Variants in MIDEAS observed in about 807,000 individuals in gnomAD.
MIDEAS encodes mitotic deacetylase associated SANT domain protein.
MIDEAS carries 26 observed loss-of-function variants against 102.7 expected under a neutral mutation model. The observed-to-expected ratio is 0.25, with a 90% confidence interval of 0.19 to 0.35. The LOEUF (loss-of-function observed/expected upper bound fraction) is 0.35, where lower values mean the gene tolerates loss of function less well. Among genes scored for constraint, MIDEAS ranks in the 10% least tolerant of loss-of-function variants. The pLI is 1.00. For missense variants in MIDEAS, 1,231 were observed against 1,435.6 expected (o/e 0.86, Z 2.30); for synonymous variants, 585 against 591.0 (o/e 0.99, Z 0.15).
chr14:73,757,123 T>G (rs923835873), intron 1 of MIDEAS, among the ~76,000 whole-genome samples: 3 of 150,826 alleles, frequency 2.0e-5, no homozygotes, highest in African/African-American at 7.3e-5. Context: ...AATAGAAAAA[T>G]TAGCCAGGTG....
At chr14:73,778,154 G>A (rs2336560) in intron 1 of MIDEAS, among the ~76,000 whole-genome samples, 77,906 of 151,500 alleles carry the variant, frequency 0.51, 21,525 homozygotes, top group East Asian at 0.83. Context: ...CAGGAGTTCA[G>A]GAGCAGCCTG....
intron 1 of MIDEAS, among the ~76,000 whole-genome samples, chr14:73,755,215 G>A (rs944071918): frequency 6.6e-6 from 1 of 152,126 alleles, no homozygotes; most frequent in Admixed American, 6.5e-5. Context: ...CAGCAAGGGC[G>A]GCTGCCAGGG....
rs2053069866 is a variant in MIDEAS, at chr14:73,726,994, G to A, written c.2163-22C>T. 3.2e-6 allele frequency: 5 copies of A among 1,571,374 alleles called. No homozygotes were observed. In the East Asian group the frequency reaches 6.8e-5, roughly 21 times the overall value. On this transcript the variant is annotated intron_variant, in intron 5 of 12. Transcript: ENST00000423556. ...CCGTCTAGAGGAGTGAAAAGGGCAGGAAGTGAGGCCTCACCTTGCGGGGAC... is the reference window on the plus strand; with the variant it reads ...CCGTCTAGAGGAGTGAAAAGGGCAGAAAGTGAGGCCTCACCTTGCGGGGAC...
intron 1 of MIDEAS, among the ~76,000 whole-genome samples, chr14:73,785,778 G>A (rs2053802146): frequency 6.6e-6 from 1 of 152,140 alleles, no homozygotes; most frequent in Non-Finnish European, 1.5e-5. Context: ...TAGTTTTCAG[G>A]CTGCCTAAGA....
rs747566329 is a variant in MIDEAS at position 73,730,023 on chromosome 14, C to T, written c.1750-38G>A. ...AGAAAACAAGGACGGCTCAGCCCCC[C>T]GTGTCCCAGAGAAAGTAAAGTCTTA... is the stretch of plus-strand genomic sequence containing the variant. On this transcript the variant is annotated intron_variant, in intron 3 of 12. Transcript: ENST00000423556. 1.7e-5 allele frequency: 27 copies of T among 1,595,228 alleles called. No individual in the cohort carries two copies. The East Asian group carries it at 1.8e-4, about 11-fold the overall frequency.
intron 11 of MIDEAS, among the ~76,000 whole-genome samples, chr14:73,719,910 C>T (rs1357243555): frequency 6.6e-6 from 1 of 150,662 alleles, no homozygotes. Context: ...ACAGGCATCC[C>T]TGCCCTCAGA....
At chr14:73,756,397 G>T (rs994629075) in intron 1 of MIDEAS, among the ~76,000 whole-genome samples, 1 of 152,140 alleles carries the variant, frequency 6.6e-6, no homozygotes. Flanking sequence ...TTCATAAAAT[G>T]AGCTCATAGT....
At chr14:73,769,920 T>G (rs1028482245) in intron 1 of MIDEAS, among the ~76,000 whole-genome samples, 9 of 151,016 alleles carry the variant, frequency 6.0e-5, no homozygotes, top group Non-Finnish European at 1.0e-4. Context: ...TTTTGTTTTT[T>G]TTTTTTAATT....
At chr14:73,788,702 C>G (rs540364096), upstream of MIDEAS, among the ~76,000 whole-genome samples, 5 of 152,302 alleles carry the variant, frequency 3.3e-5, no homozygotes, top group South Asian at 1.0e-3. Flanking sequence ...CCCTGAAATT[C>G]TTCTTACATC....
At chr14:73,732,761 G>A (rs1321916535) in intron 3 of MIDEAS, among the ~76,000 whole-genome samples, 2 of 143,166 alleles carry the variant, frequency 1.4e-5, no homozygotes. Context: ...ACTCTAGCCG[G>A]GGTGACACAG....
rs2052988066 is a variant in MIDEAS, at chr14:73,721,351, G to C, written c.2883C>G (p.Arg961=). ...EKEEQEEGRE[R]SRRAAAVKAT... ...CTTTGACTGCCGCTGCCCGCCTGCT[G>C]CGCTCTCGCCCCTCTTCCTGCTCCT... The change falls in exon 11 of 13, where the codon CGC becomes CGG. Residue 961 remains arginine, a synonymous_variant. Coordinates refer to ENST00000423556, the MANE Select transcript of MIDEAS (RefSeq NM_001367710.1). 6.2e-7 allele frequency: 1 copy of C among 1,613,926 alleles called. No individual in the cohort carries two copies. Among genetic ancestry groups the C allele is most frequent in the South Asian group, 1.1e-5 (1 of 91,086 alleles).
chr14:73,731,866 G>C (rs1347163528), intron 3 of MIDEAS, among the ~76,000 whole-genome samples: 4 of 152,214 alleles, frequency 2.6e-5, no homozygotes, highest in African/African-American at 7.2e-5. Context: ...TTTTATGCAT[G>C]AAAGAAAGTA....
intron 1 of MIDEAS, among the ~76,000 whole-genome samples, chr14:73,783,611 G>C (rs1313651536): frequency 1.3e-5 from 2 of 152,186 alleles, no homozygotes; most frequent in African/African-American, 4.8e-5. Context: ...TACAGAGCAG[G>C]CCTTTATCCG....
intron 1 of MIDEAS, among the ~76,000 whole-genome samples, chr14:73,766,187 C>T (rs1172134116): frequency 1.3e-5 from 2 of 152,180 alleles, no homozygotes; most frequent in African/African-American, 2.4e-5. Context: ...CCATCACCTG[C>T]ACATTGTTCT....
At position 73,742,778 on chromosome 14, in the gene MIDEAS, G is replaced by C. The variant is rs1009922482; in HGVS notation, c.-247-2523C>G. Among the ~76,000 whole-genome samples, 1 of 152,196 alleles carries C rather than the reference G, an allele frequency of 6.6e-6. No homozygotes were observed. The highest frequency in any genetic ancestry group is 2.4e-5 in the African/African-American group (1 of 41,448). On this transcript the variant is annotated intron_variant, in intron 1 of 12. Coordinates refer to ENST00000423556, the MANE Select transcript of MIDEAS (RefSeq NM_001367710.1). The surrounding 1 kb of genome is among the most constrained non-coding windows in gnomAD (Gnocchi z 4.4). ...GACAGTCAGGCCTGGGACCCTCAGA[G>C]AAGAAAGGTCATCGGCTGGGGGTGG...
chr14:73,779,394 C>CAAAAAA (rs35902307), intron 1 of MIDEAS, among the ~76,000 whole-genome samples: 1 of 104,186 alleles, frequency 9.6e-6, no homozygotes, highest in Non-Finnish European at 1.9e-5. Context: ...GATTCCATCT[C>CAAAAAA]AAAAAAAAAA....
At position 73,772,794 on chromosome 14, in the gene MIDEAS, A is replaced by AGTGTGTGTGTGTGTGT. The variant is rs61402555; in HGVS notation, c.-248+14292_-248+14307dup. Among the ~76,000 whole-genome samples the AGTGTGTGTGTGTGTGT allele has an allele frequency of 1.4e-3, 187 of 135,716 alleles. 2 individuals are homozygous for AGTGTGTGTGTGTGTGT. The highest frequency in any genetic ancestry group is 4.3e-3 in the African/African-American group (151 of 35,442). 89.0% of individuals were successfully genotyped at this position (135,716 alleles called of 152,430 possible). On this transcript the variant is annotated intron_variant, in intron 1 of 11. Transcript: ENST00000394071. ...ACATTTTCTTACAGCTTCAAGTTCT[A>AGTGTGTGTGTGTGTGT]GTGTGTGTGTGTGTGTGTGTGTGTG...
At position 73,717,675 on chromosome 14, in the gene MIDEAS, C is replaced by T. The variant is rs2052912388; in HGVS notation, c.*1168G>A. 6.6e-6 allele frequency: 1 copy of T among 152,628 alleles called. No individual in the cohort carries two copies. The highest frequency in any genetic ancestry group is 1.5e-5 in the Non-Finnish European group (1 of 68,046). 9.5% of individuals were successfully genotyped at this position (152,628 alleles called of 1,614,324 possible). ...CGTTTTGGGATAAATGCACTCGGGC[C>T]TCTGAAAAGCAGGAGGCCCCTGGTC... On this transcript the variant is annotated 3_prime_UTR_variant, in exon 13 of 13. Coordinates refer to ENST00000423556, the MANE Select transcript of MIDEAS (RefSeq NM_001367710.1).
intron 1 of MIDEAS, among the ~76,000 whole-genome samples, chr14:73,770,863 G>A (rs2053636534): frequency 1.3e-5 from 2 of 152,168 alleles, no homozygotes; most frequent in Admixed American, 6.5e-5. Flanking sequence ...GGAACTGAGA[G>A]GAACAGTTAT....
Sources: gnomAD v4.1 joint callset for allele counts (sites outside exome capture counted in the v4.1 genomes callset) on GRCh38, gnomAD v4.1.1 for gene constraint, Gnocchi (gnomAD v3.1) non-coding constraint, MANE v1.5 for transcripts, NCBI Gene and HGNC (gene_info 2026-07-23, HGNC 2026-07-21) for gene names.